CTDSPL: variants seen among roughly 807,000 people sequenced by gnomAD.
CTDSPL encodes CTD small phosphatase like.
In CTDSPL, 8 loss-of-function variants were observed where a neutral mutation model predicts 30.5. The observed-to-expected ratio is 0.26, with a 90% CI of 0.15 to 0.47. The LOEUF (loss-of-function observed/expected upper bound fraction) is 0.47, where lower values mean the gene tolerates loss of function less well. Ranked by LOEUF, CTDSPL falls within the 20% of genes least tolerant of loss-of-function variation. The pLI, the probability that CTDSPL is intolerant of heterozygous loss-of-function variation, is 0.99. For missense variants in CTDSPL, 248 were observed against 366.1 expected (o/e 0.68, Z 2.63); for synonymous variants, 110 against 137.9 (o/e 0.80, Z 1.42).
At chr3:37,869,014 A>G (rs1250497218) in intron 1 of CTDSPL, among the ~76,000 whole-genome samples, 1 of 152,052 alleles carries the variant, frequency 6.6e-6, no homozygotes, top group Non-Finnish European at 1.5e-5. Flanking sequence ...TCTTTTCTAG[A>G]TTAAGTCTTC....
At chr3:37,958,807 T>C (rs1699204100) in intron 3 of CTDSPL, among the ~76,000 whole-genome samples, 1 of 152,174 alleles carries the variant, frequency 6.6e-6, no homozygotes, top group South Asian at 2.1e-4. Context: ...TAAAGGAACT[T>C]GCACTTTTGA....
At chr3:37,964,436 A>G (rs1483148494) in intron 3 of CTDSPL, 135 bp from the exon 4 acceptor site, 2 of 568,458 alleles carry the variant, frequency 3.5e-6, no homozygotes, top group Non-Finnish European at 6.2e-6. Context: ...GTTGCAAACT[A>G]CTTATTCCTA....
At chr3:37,972,107 T>G (rs1699374213) in intron 6 of CTDSPL, among the ~76,000 whole-genome samples, 2 of 152,314 alleles carry the variant, frequency 1.3e-5, no homozygotes, top group South Asian at 4.1e-4. Context: ...ATACAGCAAG[T>G]ATTCATTGAG....
intron 1 of CTDSPL, among the ~76,000 whole-genome samples, chr3:37,871,986 C>T (rs974888013): frequency 6.6e-6 from 1 of 152,066 alleles, no homozygotes; most frequent in Non-Finnish European, 1.5e-5. Flanking sequence ...ATATCTTCCT[C>T]TTCTCTGCTG....
chr3:37,937,294 T>G (rs1283376790), intron 1 of CTDSPL, among the ~76,000 whole-genome samples: 1 of 150,232 alleles, frequency 6.7e-6, no homozygotes, highest in Non-Finnish European at 1.5e-5. Context: ...TGTAGTGGTG[T>G]TGGGAGGTGG....
At chr3:37,901,851 T>A (rs1006323994) in intron 1 of CTDSPL, among the ~76,000 whole-genome samples, 1 of 152,190 alleles carries the variant, frequency 6.6e-6, no homozygotes, top group African/African-American at 2.4e-5. Flanking sequence ...ATGTAGGTAG[T>A]TATCTTTCTG....
At chr3:37,889,948 G>A (rs1207283576) in intron 1 of CTDSPL, among the ~76,000 whole-genome samples, 4 of 152,088 alleles carry the variant, frequency 2.6e-5, no homozygotes, top group African/African-American at 9.7e-5. Flanking sequence ...AAATCTGCAA[G>A]GACTGAAAAT....
chr3:37,963,589 G>A (rs2125630220), intron 3 of CTDSPL, among the ~76,000 whole-genome samples: 1 of 152,208 alleles, frequency 6.6e-6, no homozygotes, highest in Admixed American at 6.5e-5. Flanking sequence ...AGTTAACTCT[G>A]GATATTGAAT....
chr3:37,882,334 C>T (rs572157809), intron 1 of CTDSPL, among the ~76,000 whole-genome samples: 6 of 150,768 alleles, frequency 4.0e-5, no homozygotes, highest in Non-Finnish European at 5.9e-5. Context: ...CCCAGCTACT[C>T]GGGAGGCTGA....
chr3:37,936,656 T>TA (rs577097327), intron 1 of CTDSPL, among the ~76,000 whole-genome samples: 19,299 of 94,586 alleles, frequency 0.2, 2,015 homozygotes, highest in Middle Eastern at 0.29. Context: ...TCTCCCCAGT[T>TA]AAAAAAAAAA....
intron 1 of CTDSPL, among the ~76,000 whole-genome samples, chr3:37,936,065 C>A: frequency 6.6e-6 from 1 of 152,092 alleles, no homozygotes; most frequent in East Asian, 1.9e-4. Flanking sequence ...TGTTATGAAC[C>A]CACAGTGGAT....
chr3:37,972,775 C>A (rs1699382571), intron 6 of CTDSPL, among the ~76,000 whole-genome samples: 1 of 152,252 alleles, frequency 6.6e-6, no homozygotes, highest in African/African-American at 2.4e-5. Flanking sequence ...CAAACTCTGA[C>A]TCTGATGGGG....
chr3:37,952,137 A>G (rs1276346537), intron 2 of CTDSPL, among the ~76,000 whole-genome samples: 1 of 152,128 alleles, frequency 6.6e-6, no homozygotes, highest in Non-Finnish European at 1.5e-5. Context: ...TAATCACTCC[A>G]CTGCCCTCCA....
chr3:37,903,157 C>T (rs550451646), intron 1 of CTDSPL, among the ~76,000 whole-genome samples: 7 of 152,226 alleles, frequency 4.6e-5, no homozygotes, highest in Non-Finnish European at 1.0e-4. Context: ...GGAGAGTATG[C>T]GTTCTATGAA....
intron 1 of CTDSPL, among the ~76,000 whole-genome samples, chr3:37,929,343 G>C (rs1698822202): frequency 6.6e-6 from 1 of 152,062 alleles, no homozygotes; most frequent in South Asian, 2.1e-4. Context: ...ATTTTGATAG[G>C]GATTGCATTG....
At chr3:37,969,113 G>C (rs1003133832) in intron 5 of CTDSPL, among the ~76,000 whole-genome samples, 1 of 152,258 alleles carries the variant, frequency 6.6e-6, no homozygotes, top group Non-Finnish European at 1.5e-5. Flanking sequence ...AGCAGTTAAG[G>C]CTTCTGCATT....
At chr3:37,896,764 C>G (rs1698394650) in intron 1 of CTDSPL, among the ~76,000 whole-genome samples, 1 of 152,098 alleles carries the variant, frequency 6.6e-6, no homozygotes, top group Non-Finnish European at 1.5e-5. Context: ...GTCTTGAACT[C>G]CTGGGCTCAA....
In CTDSPL at chr3:37,975,678, C is replaced by A; in HGVS notation, c.520-31C>A. The A allele has an allele frequency of 6.3e-7, 1 of 1,578,796 alleles. No individual in the cohort carries two copies. Among genetic ancestry groups the A allele is most frequent in the Non-Finnish European group, 8.6e-7 (1 of 1,157,944 alleles). On this transcript the variant is annotated intron_variant, in intron 6 of 7. Coordinates refer to ENST00000273179, the MANE Select transcript of CTDSPL (RefSeq NM_001008392.2). The surrounding 1 kb of genome is among the most constrained non-coding windows in gnomAD (Gnocchi z 4.9). ...AGGGTTTGGGGGGCTCTTTTAAACA[C>A]CCAGCCTTCATTGTGACACGTCTTT...
intron 3 of CTDSPL, among the ~76,000 whole-genome samples, chr3:37,962,730 G>C (rs1162498954): frequency 6.6e-6 from 1 of 152,150 alleles, no homozygotes; most frequent in Admixed American, 6.5e-5. Context: ...AAACGCATAG[G>C]AAAAGGACTG....
Sources: gnomAD v4.1 joint callset for allele counts (sites outside exome capture counted in the v4.1 genomes callset) on GRCh38, gnomAD v4.1.1 for gene constraint, Gnocchi (gnomAD v3.1) non-coding constraint, MANE v1.5 for transcripts, NCBI Gene and HGNC (gene_info 2026-07-23, HGNC 2026-07-21) for gene names.